Variants in CNTN5 observed in about 807,000 individuals in gnomAD.
CNTN5 encodes contactin-5.
CNTN5 carries 77 observed loss-of-function variants against 129.1 expected under a neutral mutation model. The ratio of observed to expected loss-of-function variants is 0.60; its 90% confidence interval spans 0.50 to 0.72. The LOEUF (loss-of-function observed/expected upper bound fraction) is 0.72, where lower values mean the gene tolerates loss of function less well. CNTN5 is among the 30% of genes least tolerant of loss of function. The pLI, the probability that CNTN5 is intolerant of heterozygous loss-of-function variation, is 0.00. For synonymous variants in CNTN5, 509 were observed against 465.6 expected (o/e 1.09, Z -1.20); for missense variants, 1,478 against 1,328.8 (o/e 1.11, Z -1.75).
At chr11:99,124,540 C>T (rs35500733) in intron 1 of CNTN5, among the ~76,000 whole-genome samples, 36,902 of 151,722 alleles carry the variant, frequency 0.24, 4,859 homozygotes, top group Middle Eastern at 0.3. Flanking sequence ...AACAATTTAA[C>T]ATCACATCTA....
chr11:99,581,919 C>A (rs1412445214), intron 3 of CNTN5, among the ~76,000 whole-genome samples: 1 of 152,048 alleles, frequency 6.6e-6, no homozygotes, highest in Non-Finnish European at 1.5e-5. Flanking sequence ...GCTTCCTAGC[C>A]TTGATGGTCT....
chr11:99,435,333 AT>A (rs1360462515), intron 2 of CNTN5, among the ~76,000 whole-genome samples: 2 of 152,178 alleles, frequency 1.3e-5, no homozygotes, highest in African/African-American at 4.8e-5. Flanking sequence ...TTGCTCAAGA[AT>A]ATTCTGCAGC....
chr11:100,283,475 A>C (rs558936883), intron 18 of CNTN5, among the ~76,000 whole-genome samples: 1 of 152,248 alleles, frequency 6.6e-6, no homozygotes, highest in Admixed American at 6.5e-5. Context: ...CAAGTCCACT[A>C]TCTCTGAGCC....
At chr11:100,126,675 T>C (rs1015666180) in intron 13 of CNTN5, among the ~76,000 whole-genome samples, 1 of 152,136 alleles carries the variant, frequency 6.6e-6, no homozygotes, top group Non-Finnish European at 1.5e-5. Flanking sequence ...ATGTATGTCA[T>C]TACATGTGAG....
In CNTN5 at chr11:100,253,805, C is replaced by T. The variant is rs556462244; in HGVS notation, c.2006-1955C>T. Among the ~76,000 whole-genome samples, 5 of 152,174 alleles carry T rather than the reference C, an allele frequency of 3.3e-5. No homozygotes were observed. The South Asian group carries it at 1.0e-3, about 32-fold the overall frequency. On this transcript the variant is annotated intron_variant, in intron 16 of 24. Transcript: ENST00000524871. ...TTTCATAAATCCTAGACCTTATAAACCCTGTAATAATATTCTCAACTTTGC... is the reference window on the plus strand; with the variant it reads ...TTTCATAAATCCTAGACCTTATAAATCCTGTAATAATATTCTCAACTTTGC...
At chr11:99,410,257 C>A (rs898926371) in intron 2 of CNTN5, among the ~76,000 whole-genome samples, 3 of 152,166 alleles carry the variant, frequency 2.0e-5, no homozygotes, top group Non-Finnish European at 4.4e-5. Context: ...ACAAGCTATG[C>A]AGCCTTGTTT....
chr11:99,340,738 A>G (rs1866474061), intron 2 of CNTN5, among the ~76,000 whole-genome samples: 1 of 152,204 alleles, frequency 6.6e-6, no homozygotes, highest in Admixed American at 6.5e-5. Context: ...TAAAGCAACA[A>G]TTACTAATAG....
At chr11:99,707,297 T>G (rs1236866777) in intron 3 of CNTN5, among the ~76,000 whole-genome samples, 1 of 151,606 alleles carries the variant, frequency 6.6e-6, no homozygotes, top group Non-Finnish European at 1.5e-5. Context: ...GTGTTCAAGT[T>G]TCATTACAAA....
intron 1 of CNTN5, among the ~76,000 whole-genome samples, chr11:99,267,116 T>A (rs1368822139): frequency 6.6e-6 from 1 of 151,978 alleles, no homozygotes; most frequent in Non-Finnish European, 1.5e-5. Flanking sequence ...AGAATGAAGA[T>A]GAATGACACT....
At chr11:99,028,299 A>C (rs1863196209) in intron 1 of CNTN5, among the ~76,000 whole-genome samples, 2 of 151,916 alleles carry the variant, frequency 1.3e-5, no homozygotes, top group Non-Finnish European at 1.5e-5. Context: ...TAATTTACTC[A>C]CATAAATGGT....
intron 1 of CNTN5, among the ~76,000 whole-genome samples, chr11:99,132,336 A>G (rs1858984154): frequency 6.6e-6 from 1 of 152,166 alleles, no homozygotes; most frequent in Non-Finnish European, 1.5e-5. Flanking sequence ...CCCTTTGAAA[A>G]CTGGCACAAG....
At chr11:99,742,842 A>G (rs1440933608) in intron 3 of CNTN5, among the ~76,000 whole-genome samples, 1 of 152,184 alleles carries the variant, frequency 6.6e-6, no homozygotes, top group East Asian at 1.9e-4. Flanking sequence ...AAATATTGAT[A>G]TGTTGGGCAT....
At chr11:99,909,070 A>G in intron 6 of CNTN5, among the ~76,000 whole-genome samples, 1 of 152,114 alleles carries the variant, frequency 6.6e-6, no homozygotes, top group East Asian at 1.9e-4. Flanking sequence ...TCTTAATTCA[A>G]TTCTTATCTT....
At chr11:100,351,485 C>CT (rs1952410509) in intron 24 of CNTN5, among the ~76,000 whole-genome samples, 1 of 150,836 alleles carries the variant, frequency 6.6e-6, no homozygotes, top group African/African-American at 2.4e-5. Context: ...AGTAACTTGC[C>CT]TAAGACCACA....
intron 13 of CNTN5, among the ~76,000 whole-genome samples, chr11:100,125,259 A>G (rs955835647): frequency 6.6e-6 from 1 of 152,126 alleles, no homozygotes; most frequent in African/African-American, 2.4e-5. Context: ...GGTTTGTGAT[A>G]TGATTGATTC....
rs181305069 is a variant in CNTN5, at chr11:99,414,555, T to C, written c.-71+89071T>C. 3.3e-3 allele frequency among the ~76,000 whole-genome samples: 502 copies of C among 152,146 alleles called. 3 individuals are homozygous for C. The highest frequency in any genetic ancestry group is 0.011 in the African/African-American group (460 of 41,518). On this transcript the variant is annotated intron_variant, in intron 2 of 24. Coordinates refer to ENST00000524871, the MANE Select transcript of CNTN5 (RefSeq NM_014361.4). ...CAGCAATGAACAAATACATATACAG[T>C]ATGTCATGAGGTCAGGCTAGGCAGA...
intron 2 of CNTN5, among the ~76,000 whole-genome samples, chr11:99,406,177 T>G (rs1224154797): frequency 2.0e-5 from 3 of 152,012 alleles, no homozygotes; most frequent in African/African-American, 7.2e-5. Context: ...TGGGCTTATT[T>G]GCACTCATCC....
At chr11:99,619,488 T>A (rs1230299452) in intron 3 of CNTN5, among the ~76,000 whole-genome samples, 1 of 152,170 alleles carries the variant, frequency 6.6e-6, no homozygotes, top group Non-Finnish European at 1.5e-5. Context: ...CATGGAGCTG[T>A]CATCACCATC....
chr11:99,972,133 T>C (rs1038462994), intron 8 of CNTN5, among the ~76,000 whole-genome samples: 5 of 134,598 alleles, frequency 3.7e-5, no homozygotes, highest in African/African-American at 1.1e-4. Flanking sequence ...TGGTGGCGGG[T>C]GCCTGTAGTC....
Sources: allele counts gnomAD v4.1 joint callset (sites outside exome capture counted in the v4.1 genomes callset), GRCh38; gene constraint gnomAD v4.1.1; transcripts MANE v1.5; gene names NCBI Gene and HGNC (gene_info 2026-07-23, HGNC 2026-07-21).